CLSTN1: variants seen among roughly 807,000 people sequenced by gnomAD.
CLSTN1 encodes the protein calsyntenin 1, also known as calsyntenin-1.
CLSTN1 carries 28 observed loss-of-function variants against 108.3 expected under a neutral mutation model. The observed-to-expected ratio is 0.26, with a 90% confidence interval of 0.19 to 0.35. The LOEUF (loss-of-function observed/expected upper bound fraction) is 0.35. Among genes scored for constraint, CLSTN1 ranks in the 10% least tolerant of loss-of-function variants. The probability of loss-of-function intolerance (pLI) is 1.00; values close to 1 mark genes in which losing one functional copy is unlikely to be tolerated. For synonymous variants in CLSTN1, 524 were observed against 534.9 expected (o/e 0.98, Z 0.28); for missense variants, 1,157 against 1,302.6 (o/e 0.89, Z 1.72).
chr1:9,782,642 A>G (rs1401538233), intron 1 of CLSTN1, among the ~76,000 whole-genome samples: 1 of 152,206 alleles, frequency 6.6e-6, no homozygotes, highest in African/African-American at 2.4e-5. Flanking sequence ...AAAATACAAT[A>G]ATCAACTTTA....
chr1:9,816,906 C>G (rs145408493), intron 1 of CLSTN1, among the ~76,000 whole-genome samples: 2 of 152,194 alleles, frequency 1.3e-5, no homozygotes, highest in Non-Finnish European at 2.9e-5. Context: ...CTCGGCCTCC[C>G]GAAGTGCTAG....
At chr1:9,824,046 C>A (rs1655309082), upstream of CLSTN1, 1 of 145,910 alleles carries the variant, frequency 6.9e-6, no homozygotes, top group Non-Finnish European at 1.5e-5. This position sits in a 1 kb window ranked among gnomAD's most constrained non-coding sequence, Gnocchi z 5.0. Context: ...GGATGGGGAG[C>A]GACGCGAGGC....
At chr1:9,770,024 C>A in intron 2 of CLSTN1, among the ~76,000 whole-genome samples, 1 of 78,840 alleles carries the variant, frequency 1.3e-5, no homozygotes. Flanking sequence ...AGTGAGACTC[C>A]GTCTCAAAAA....
At chr1:9,745,006 C>A (rs1651184862) in intron 7 of CLSTN1, among the ~76,000 whole-genome samples, 1 of 152,186 alleles carries the variant, frequency 6.6e-6, no homozygotes, top group Non-Finnish European at 1.5e-5. Flanking sequence ...CCTGACTCGG[C>A]CTCCAAAAGT....
intron 7 of CLSTN1, among the ~76,000 whole-genome samples, chr1:9,745,268 C>A (rs1314802829): frequency 1.3e-5 from 2 of 150,552 alleles, no homozygotes; most frequent in Non-Finnish European, 2.9e-5. Context: ...GGAAAGGAAG[C>A]ATTTCTTGTA....
rs146784822 is a variant in CLSTN1 at position 9,735,533 on chromosome 1, G to A, written c.1817C>T (p.Ser606Leu). The change falls in exon 13 of 19, where the codon TCG becomes TTG. Residue 606 changes from serine (S) to leucine (L), a missense_variant. Transcript: ENST00000377298. Reference sequence around the variant, plus strand: ...GGGGAACTGCCGGGAGTTCAGGTACGAGATGTGCTGCATGGCCTTATCCAA... The same window carrying A: ...GGGGAACTGCCGGGAGTTCAGGTACAAGATGTGCTGCATGGCCTTATCCAA... ...GELDKAMQHI[S>L]YLNSRQFPTP... 98 of 1,614,150 alleles carry A rather than the reference G, an allele frequency of 6.1e-5. No individual in the cohort carries two copies. Among genetic ancestry groups the A allele is most frequent in the Admixed American group, 3.8e-4 (23 of 60,012 alleles).
chr1:9,766,385 G>A (rs766803153), intron 2 of CLSTN1, among the ~76,000 whole-genome samples: 2 of 152,206 alleles, frequency 1.3e-5, no homozygotes, highest in East Asian at 1.9e-4. Context: ...TAGGCCGGGC[G>A]CGGTGGCTCA....
At position 9,823,362 on chromosome 1, in the gene CLSTN1, C is replaced by A. The variant is rs1655264893; in HGVS notation, c.91+281G>T. 6.6e-6 allele frequency among the ~76,000 whole-genome samples: 1 copy of A among 152,174 alleles called. No homozygotes were observed. The highest frequency in any genetic ancestry group is 2.1e-4 in the South Asian group (1 of 4,838). ...AGTGGGGGCAGCCCAGGCTCAGGAG[C>A]CCCGCCCGGGACGGAGCCTGGCTTC... On this transcript the variant is annotated intron_variant, in intron 1 of 18. Transcript: ENST00000377298. The surrounding 1 kb of genome is among the most constrained non-coding windows in gnomAD (Gnocchi z 6.3).
Position 9,744,592 on chromosome 1 carries a change from T to G in CLSTN1, c.1037A>C (p.Asn346Thr), listed in dbSNP as rs539478884. Residue 346 changes from asparagine (N) to threonine (T), a missense_variant, in exon 8 of 19, where the codon AAC becomes ACC. By Grantham distance (65) the Asn-to-Thr change is moderately conservative (BLOSUM62 0). Coordinates refer to ENST00000377298, the MANE Select transcript of CLSTN1 (RefSeq NM_001009566.3). ...ELLPSPSGSL[N>T]WTMGLPTDNG... is the part of the protein sequence containing the mutation. Reference sequence around the variant, plus strand: ...GTCGGTGGGCAGGCCCATGGTCCAGTTGAGGGATCCACTCGGGGATGGCAG... The same window carrying G: ...GTCGGTGGGCAGGCCCATGGTCCAGGTGAGGGATCCACTCGGGGATGGCAG... The G allele has an allele frequency of 6.2e-7, 1 of 1,613,318 alleles. No individual in the cohort carries two copies. Among genetic ancestry groups the G allele is most frequent in the African/African-American group, 1.3e-5 (1 of 74,950 alleles).
At chr1:9,745,051 C>G (rs1651187254) in intron 7 of CLSTN1, among the ~76,000 whole-genome samples, 1 of 152,118 alleles carries the variant, frequency 6.6e-6, no homozygotes, top group Non-Finnish European at 1.5e-5. Context: ...CACGCTTGGC[C>G]CTTTCAGTTT....
chr1:9,820,646 C>T (rs1169352382), intron 1 of CLSTN1, among the ~76,000 whole-genome samples: 1 of 152,172 alleles, frequency 6.6e-6, no homozygotes, highest in Non-Finnish European at 1.5e-5. Flanking sequence ...AACTGAAATG[C>T]TGTTATCCAT....
chr1:9,747,907 G>A (rs989816040), intron 7 of CLSTN1, among the ~76,000 whole-genome samples: 3 of 151,992 alleles, frequency 2.0e-5, no homozygotes, highest in African/African-American at 7.3e-5. Context: ...AGCCGGGCAT[G>A]GTGGCAGGTG....
At chr1:9,745,771 T>G (rs1385590419) in intron 7 of CLSTN1, among the ~76,000 whole-genome samples, 2 of 144,230 alleles carry the variant, frequency 1.4e-5, no homozygotes, top group African/African-American at 2.6e-5. Context: ...AGTTGTTTTT[T>G]TTTTTTTTTT....
At chr1:9,741,364 G>T in intron 9 of CLSTN1, 108 bp from the exon 10 acceptor site, 2 of 1,126,492 alleles carry the variant, frequency 1.8e-6, no homozygotes, top group Non-Finnish European at 1.3e-6. Context: ...GGAGGAAAAG[G>T]ATGAAAAAAA....
chr1:9,739,814 A>ATTC (rs1473490264), intron 10 of CLSTN1, among the ~76,000 whole-genome samples: 70 of 122,820 alleles, frequency 5.7e-4, no homozygotes, highest in African/African-American at 2.3e-3. Context: ...GCAATAGGGC[A>ATTC]TTTTTTTTTT....
intron 2 of CLSTN1, among the ~76,000 whole-genome samples, chr1:9,764,131 G>GGA (rs1018710872): frequency 2.1e-5 from 3 of 146,104 alleles, no homozygotes; most frequent in Non-Finnish European, 4.6e-5. Flanking sequence ...AGAGAGAGAG[G>GGA]GAGAGAGAGA....
intron 1 of CLSTN1, among the ~76,000 whole-genome samples, chr1:9,794,289 T>C (rs1013536090): frequency 1.3e-5 from 2 of 151,382 alleles, no homozygotes; most frequent in East Asian, 2.0e-4. Flanking sequence ...TTTCCAACTG[T>C]TGACCGTATA....
rs768104036 is a variant in CLSTN1, at chr1:9,773,328, A to G, written c.158T>C (p.Val53Ala). ...HGIVTENDNTVLLDPPLIALD... is the reference protein window; with the variant it reads ...HGIVTENDNTALLDPPLIALD... ...CGCGATCAGTGGGGGGTCGAGGAGC[A>G]CGGTGTTGTCGTTCTCTGTGACTAT... is the stretch of plus-strand genomic sequence containing the variant. The change falls in exon 2 of 19, where the codon GTG (valine) becomes GCG (alanine). Residue 53 changes from valine (V) to alanine (A), a missense_variant. Transcript: ENST00000377298. The G allele has an allele frequency of 1.9e-6, 3 of 1,614,210 alleles. No individual in the cohort carries two copies. In the South Asian group the frequency reaches 3.3e-5, roughly 18 times the overall value.
chr1:9,795,912 A>C (rs984236133), intron 1 of CLSTN1, among the ~76,000 whole-genome samples: 1 of 149,626 alleles, frequency 6.7e-6, no homozygotes, highest in Non-Finnish European at 1.5e-5. Flanking sequence ...CGATGATCAC[A>C]CTACTGCACT....
Sources: allele counts gnomAD v4.1 joint callset (sites outside exome capture counted in the v4.1 genomes callset), GRCh38; gene constraint gnomAD v4.1.1; non-coding constraint Gnocchi (gnomAD v3.1); transcripts MANE v1.5; gene names NCBI Gene and HGNC (gene_info 2026-07-23, HGNC 2026-07-21).